Variants in MYO5C observed in about 807,000 individuals in gnomAD.
The protein encoded by MYO5C is myosin VC.
Under a neutral mutation model 235.7 loss-of-function variants are expected in MYO5C, and 194 were observed. The observed-to-expected ratio is 0.82, with a 90% CI of 0.73 to 0.93. The LOEUF (loss-of-function observed/expected upper bound fraction) is 0.93. Ranked by LOEUF, MYO5C falls within the 40% of genes least tolerant of loss-of-function variation. MYO5C has a pLI of 0.00. For synonymous variants in MYO5C, 707 were observed against 754.8 expected, an observed-to-expected ratio of 0.94 and a Z score of 1.04; for missense variants, 2,038 against 2,127.2, an observed-to-expected ratio of 0.96 and a Z score of 0.82.
intron 8 of MYO5C, among the ~76,000 whole-genome samples, 195 bp downstream of exon 8, chr15:52,269,557 TA>T (rs2036876699): frequency 6.6e-6 from 1 of 151,218 alleles, no homozygotes; most frequent in Admixed American, 6.6e-5. Context: ...CACGCCTGGC[TA>T]ATTTTTCGTA....
At chr15:52,214,489 C>G in intron 33 of MYO5C, 114 bp downstream of exon 33, 1 of 783,030 alleles carries the variant, frequency 1.3e-6, no homozygotes, top group Non-Finnish European at 2.0e-6. Flanking sequence ...CAAACCTCAC[C>G]ACTTGAGAAT....
intron 35 of MYO5C, among the ~76,000 whole-genome samples, chr15:52,210,451 C>T (rs2035420438): frequency 6.6e-6 from 1 of 152,152 alleles, no homozygotes; most frequent in South Asian, 2.1e-4. Context: ...TTGCCCCCTT[C>T]CAATATGGAT....
intron 10 of MYO5C, among the ~76,000 whole-genome samples, chr15:52,258,890 C>G (rs546696712): frequency 6.6e-6 from 1 of 152,300 alleles, no homozygotes; most frequent in Admixed American, 6.5e-5. Flanking sequence ...GTTCTGGATC[C>G]TGCCTGGGGG....
intron 2 of MYO5C, among the ~76,000 whole-genome samples, chr15:52,280,507 C>T (rs767423680): frequency 1.1e-4 from 17 of 152,224 alleles, no homozygotes; most frequent in South Asian, 2.1e-4. Context: ...CCCATTTCAC[C>T]GCTGGGGGAA....
chr15:52,256,603 C>CGCGCGGGGGGG, intron 11 of MYO5C, 36 bp downstream of exon 11: 1 of 650,546 alleles, frequency 1.5e-6, no homozygotes. Flanking sequence ...GCGCGCGCGG[C>CGCGCGGGGGGG]TGAGAACTAG....
At chr15:52,261,218 G>A in intron 9 of MYO5C, 91 bp from the exon 10 acceptor site, 2 of 1,456,924 alleles carry the variant, frequency 1.4e-6, no homozygotes, top group Admixed American at 2.0e-5. Context: ...CCACACTCAG[G>A]CCTGTGCAAG....
In MYO5C at chr15:52,247,006, G is replaced by A; in HGVS notation, c.1890C>T (p.Ser630=). The change falls in exon 16 of 41, where the codon AGC becomes AGT. Residue 630 remains serine (S), a synonymous_variant. Coordinates refer to ENST00000261839, the MANE Select transcript of MYO5C (RefSeq NM_018728.4). ...FRTTVGSKFR[S]SLYLLMETLN... is the part of the protein sequence containing the mutation. ...GGGTCTCCATGAGCAAGTACAGAGA[G>A]CTGCGGAACTAGGAAACAAAGCTAG... is the stretch of plus-strand genomic sequence containing the variant. 1 of 1,612,368 alleles carries A rather than the reference G, an allele frequency of 6.2e-7. No individual in the cohort carries two copies. Among genetic ancestry groups the A allele is most frequent in the East Asian group, 2.2e-5 (1 of 44,878 alleles).
At chr15:52,221,079 C>T in intron 30 of MYO5C, 83 bp downstream of exon 30, 2 of 1,079,080 alleles carry the variant, frequency 1.9e-6, no homozygotes, top group Non-Finnish European at 2.7e-6. Flanking sequence ...GTTTAAAAGC[C>T]CTGAGTACAA....
Position 52,242,108 on chromosome 15 carries a change from C to T in MYO5C, c.2496G>A (p.Met832Ile), listed in dbSNP as rs2036238456. ...TGTAGGCCTGCATTGTGATGGTGGC[C>T]ATGCGAATCAACTGATACAGGCTGC... ...LVRSLYQLIR[M>I]ATITMQAYSR... The change falls in exon 20 of 41, where the codon ATG becomes ATA. Residue 832 changes from methionine to isoleucine, a missense_variant. Coordinates refer to ENST00000261839, the MANE Select transcript of MYO5C (RefSeq NM_018728.4). 6.2e-7 allele frequency: 1 copy of T among 1,614,120 alleles called. No homozygotes were observed. The highest frequency in any genetic ancestry group is 8.5e-7 in the Non-Finnish European group (1 of 1,179,996).
intron 1 of MYO5C, among the ~76,000 whole-genome samples, chr15:52,285,759 G>A (rs546248783): frequency 6.6e-6 from 1 of 152,322 alleles, no homozygotes; most frequent in East Asian, 1.9e-4. Flanking sequence ...ACGGAGTGTC[G>A]TTCACTCAGT....
intron 11 of MYO5C, 63 bp from the exon 12 acceptor site, chr15:52,253,520 G>C: frequency 2.1e-6 from 3 of 1,456,960 alleles, no homozygotes; most frequent in Non-Finnish European, 1.9e-6. Flanking sequence ...CCAAAGAGCA[G>C]GATGTAAGCA....
intron 8 of MYO5C, among the ~76,000 whole-genome samples, chr15:52,266,375 G>T (rs2036811867): frequency 6.6e-6 from 1 of 152,170 alleles, no homozygotes; most frequent in Non-Finnish European, 1.5e-5. Context: ...AATGGCAGGG[G>T]TCAGTGGATG....
chr15:52,220,212 TA>T (rs1435892769), intron 30 of MYO5C, among the ~76,000 whole-genome samples: 2 of 152,258 alleles, frequency 1.3e-5, no homozygotes, highest in Non-Finnish European at 2.9e-5. Context: ...AACCATCATT[TA>T]AAAATTGTTC....
rs2035680866 is a variant in MYO5C, at chr15:52,221,341, G to A, written c.3628-86C>T. ...CTTAGAAGCAAACTGAACTATCTTG[G>A]TGTTCAGCCTGCAGAACAGATAGCT... On this transcript the variant is annotated intron_variant, in intron 29 of 40. Transcript: ENST00000261839. 2.8e-5 allele frequency: 26 copies of A among 927,286 alleles called. 1 individual carries two copies. In the South Asian group the frequency reaches 4.1e-4, roughly 15 times the overall value. The allele number at this position is 927,286 out of a possible 1,614,324, so 57.4% of individuals were successfully genotyped here. A position where few individuals can be genotyped will look rare whatever the true frequency, so the allele number is the denominator to read the frequency against.
Position 52,224,957 on chromosome 15 carries a change from A to G in MYO5C, c.3390T>C (p.His1130=). Residue 1130 remains histidine, a synonymous_variant, in exon 28 of 41, where the codon CAT becomes CAC. Coordinates refer to ENST00000261839, the MANE Select transcript of MYO5C (RefSeq NM_018728.4). ...ACCAAAGTTCTCCATCCTCATTTAA[A>G]TGTTCCAGATCTTCCACAGAGAGCC... ...RSRLSVEDLE[H]LNEDGELWFA... 1.2e-6 allele frequency: 2 copies of G among 1,614,062 alleles called. No homozygotes were observed. Among genetic ancestry groups the G allele is most frequent in the Non-Finnish European group, 1.7e-6 (2 of 1,179,986 alleles).
At chr15:52,215,357 C>T (rs183622443) in intron 32 of MYO5C, among the ~76,000 whole-genome samples, 2 of 152,290 alleles carry the variant, frequency 1.3e-5, no homozygotes, top group East Asian at 3.9e-4. Context: ...TCCTTGGATA[C>T]CTAGAAATAT....
chr15:52,210,000 A>G (rs936538953), intron 35 of MYO5C, among the ~76,000 whole-genome samples: 1 of 152,102 alleles, frequency 6.6e-6, no homozygotes, highest in Non-Finnish European at 1.5e-5. Flanking sequence ...GTCTGGCTCT[A>G]TCACCCAGGC....
intron 3 of MYO5C, 82 bp downstream of exon 3, chr15:52,279,427 A>G: frequency 6.9e-7 from 1 of 1,457,954 alleles, no homozygotes; most frequent in Non-Finnish European, 9.3e-7. Context: ...TGCTCAGTAT[A>G]AACATAAAAC....
chr15:52,288,757 C>T (rs771501464), intron 1 of MYO5C, among the ~76,000 whole-genome samples: 38 of 152,342 alleles, frequency 2.5e-4, no homozygotes, highest in African/African-American at 8.7e-4. Context: ...AGTCTGTGGA[C>T]TGGGATGGAA....
Sources: allele counts gnomAD v4.1 joint callset (sites outside exome capture counted in the v4.1 genomes callset), GRCh38; gene constraint gnomAD v4.1.1; transcripts MANE v1.5; gene names NCBI Gene and HGNC (gene_info 2026-07-23, HGNC 2026-07-21).